Variants in XRRA1 observed in about 807,000 individuals in gnomAD.
XRRA1 encodes the protein X-ray radiation resistance associated 1.
XRRA1 carries 69 observed loss-of-function variants against 80.2 expected under a neutral mutation model. The ratio of observed to expected loss-of-function variants is 0.86; its 90% confidence interval spans 0.71 to 1.05. XRRA1 has a LOEUF of 1.05. Among genes scored for constraint, XRRA1 ranks in the 50% least tolerant of loss-of-function variants. The pLI is 0.00. For missense variants in XRRA1, 967 were observed against 976.4 expected (o/e 0.99, Z 0.13); for synonymous variants, 348 against 389.9 (o/e 0.89, Z 1.27).
At chr11:74,863,812 G>A (rs935089192) in intron 10 of XRRA1, 2 of 152,210 alleles carry the variant, frequency 1.3e-5, no homozygotes, top group African/African-American at 4.8e-5. Context: ...CCTGTGATGA[G>A]GGTCTGCAAG....
intron 10 of XRRA1, among the ~76,000 whole-genome samples, chr11:74,880,542 A>C (rs2047269779): frequency 6.7e-6 from 1 of 148,656 alleles, no homozygotes; most frequent in Non-Finnish European, 1.5e-5. Context: ...TAGTTCTTTT[A>C]ATTGTGATGT....
rs566408067 is a variant in XRRA1, at chr11:74,866,233, G to GT, written c.1004-3213dup. ...AGAATTCAAAAGAACATTTTTTTGG[G>GT]TTTTTTTATTTTTTTTGTTTTGTTT... is the stretch of plus-strand genomic sequence containing the variant. On this transcript the variant is annotated intron_variant, in intron 10 of 18. Coordinates refer to ENST00000684022, the MANE Select transcript of XRRA1 (RefSeq NM_001378157.1). 2.3e-4 allele frequency among the ~76,000 whole-genome samples: 35 copies of GT among 152,064 alleles called. No individual in the cohort carries two copies. The East Asian group carries it at 5.8e-3, about 25-fold the overall frequency.
intron 14 of XRRA1, 178 bp downstream of exon 14, chr11:74,850,910 A>G (rs748813779): frequency 1.2e-5 from 5 of 406,152 alleles, no homozygotes; most frequent in African/African-American, 4.1e-5. Context: ...ATATATTTTC[A>G]TATCTGTTGT....
intron 10 of XRRA1, among the ~76,000 whole-genome samples, chr11:74,868,656 C>T (rs902585120): frequency 6.6e-6 from 1 of 151,444 alleles, no homozygotes; most frequent in South Asian, 2.1e-4. Context: ...AAAAATCTAC[C>T]AAGCAAATGG....
chr11:74,929,971 CTACAGGAGTACTT>C (rs1943126810), intron 6 of XRRA1, among the ~76,000 whole-genome samples: 1 of 152,150 alleles, frequency 6.6e-6, no homozygotes, highest in Non-Finnish European at 1.5e-5. Flanking sequence ...CTTTATGCTC[CTACAGGAGTACTT>C]TACAGGCTTA....
At chr11:74,851,047 C>T in intron 14 of XRRA1, 41 bp downstream of exon 14, 1 of 1,524,546 alleles carries the variant, frequency 6.6e-7, no homozygotes, top group Non-Finnish European at 9.0e-7. Context: ...TAATAGGCTG[C>T]ACTCTTCCTG....
chr11:74,845,777 G>C (rs374245463), intron 15 of XRRA1: 2 of 154,922 alleles, frequency 1.3e-5, no homozygotes, highest in African/African-American at 4.8e-5. Flanking sequence ...ATGCCAAGCT[G>C]AGGGTGCGTT....
intron 8 of XRRA1, among the ~76,000 whole-genome samples, chr11:74,916,256 C>T (rs563032885): frequency 2.0e-5 from 3 of 152,250 alleles, no homozygotes; most frequent in Admixed American, 6.5e-5. Context: ...ATAATCTCTC[C>T]GTGCTTTCTC....
intron 10 of XRRA1, among the ~76,000 whole-genome samples, chr11:74,869,225 C>A (rs2044207716): frequency 6.6e-6 from 1 of 151,964 alleles, no homozygotes; most frequent in Admixed American, 6.6e-5. Flanking sequence ...TTGAAATAAA[C>A]CTGCTCCTGA....
intron 10 of XRRA1, among the ~76,000 whole-genome samples, chr11:74,866,332 C>T (rs2043403135): frequency 6.6e-6 from 1 of 152,084 alleles, no homozygotes; most frequent in South Asian, 2.1e-4. Flanking sequence ...TTGCTTACTG[C>T]AGCCTCAACC....
chr11:74,856,306 T>C (rs915701551), intron 12 of XRRA1, among the ~76,000 whole-genome samples: 3 of 152,168 alleles, frequency 2.0e-5, no homozygotes, highest in African/African-American at 7.2e-5. Flanking sequence ...CAAAAAGATA[T>C]AATATGTTAG....
intron 14 of XRRA1, 123 bp from the exon 15 acceptor site, chr11:74,848,585 G>A (rs2038935883): frequency 1.2e-6 from 1 of 819,108 alleles, no homozygotes; most frequent in Non-Finnish European, 1.9e-6. Context: ...AGGCGGGGGT[G>A]GAAAGGGAAA....
chr11:74,917,848 A>G (rs1445732648), intron 8 of XRRA1, among the ~76,000 whole-genome samples: 1 of 152,156 alleles, frequency 6.6e-6, no homozygotes, highest in Non-Finnish European at 1.5e-5. Flanking sequence ...GGAAGTCGAG[A>G]TTGCTACCAG....
chr11:74,930,218 T>C, intron 6 of XRRA1, 82 bp downstream of exon 6: 8 of 1,186,642 alleles, frequency 6.7e-6, no homozygotes, highest in South Asian at 5.4e-5. Context: ...TCATAGATGG[T>C]TGGACAGACA....
chr11:74,868,879 T>C (rs1307560038), intron 10 of XRRA1, among the ~76,000 whole-genome samples: 1 of 152,030 alleles, frequency 6.6e-6, no homozygotes, highest in Non-Finnish European at 1.5e-5. Flanking sequence ...ATAAAGAGAC[T>C]TGGATAAACA....
chr11:74,847,972 C>T, intron 15 of XRRA1, 143 bp downstream of exon 15: 1 of 718,630 alleles, frequency 1.4e-6, no homozygotes, highest in Non-Finnish European at 2.3e-6. Flanking sequence ...GGCTTGCAAG[C>T]TCCACCAAGG....
chr11:74,880,784 C>A (rs1383353810), intron 10 of XRRA1, among the ~76,000 whole-genome samples: 3 of 151,568 alleles, frequency 2.0e-5, no homozygotes, highest in African/African-American at 7.2e-5. Context: ...GAGTGAGATT[C>A]TTAATCCTGA....
At chr11:74,909,745 G>C (rs1190018103) in intron 8 of XRRA1, 1 of 152,110 alleles carries the variant, frequency 6.6e-6, no homozygotes, top group East Asian at 1.9e-4. Context: ...GGGGTTTCCA[G>C]CTGTTCAGAG....
chr11:74,909,191 T>C (rs1214030769), intron 8 of XRRA1, among the ~76,000 whole-genome samples: 3 of 152,300 alleles, frequency 2.0e-5, no homozygotes, highest in East Asian at 3.9e-4. Context: ...GGCAGCACTG[T>C]AGAGAACAGG....
Sources: allele counts gnomAD v4.1 joint callset (sites outside exome capture counted in the v4.1 genomes callset), GRCh38; gene constraint gnomAD v4.1.1; transcripts MANE v1.5; gene names NCBI Gene and HGNC (gene_info 2026-07-23, HGNC 2026-07-21).